Variants in MED27 observed in about 807,000 individuals in gnomAD.
MED27 encodes mediator complex subunit 27, also known as mediator of RNA polymerase II transcription subunit 27.
A neutral mutation model predicts 38.2 loss-of-function variants in MED27; 30 were observed. The observed-to-expected ratio is 0.79, with a 90% CI of 0.59 to 1.07. MED27 has a LOEUF of 1.07. Among genes scored for constraint, MED27 ranks in the 50% least tolerant of loss-of-function variants. The probability of loss-of-function intolerance (pLI) is 0.00; values close to 1 mark genes in which losing one functional copy is unlikely to be tolerated. For missense variants in MED27, 289 were observed against 397.5 expected (o/e 0.73, Z 2.32); for synonymous variants, 122 against 153.5 (o/e 0.79, Z 1.52).
chr9:132,038,836 G>T (rs10901122), intron 2 of MED27, among the ~76,000 whole-genome samples: 5 of 151,984 alleles, frequency 3.3e-5, no homozygotes, highest in Non-Finnish European at 7.4e-5. Context: ...GGGTGAGGGC[G>T]GCCATTGTAA....
intron 6 of MED27, among the ~76,000 whole-genome samples, chr9:131,882,789 T>C (rs1337509521): frequency 6.6e-6 from 1 of 152,198 alleles, no homozygotes; most frequent in Non-Finnish European, 1.5e-5. Flanking sequence ...TTGTGTTTCC[T>C]GGCCACAGCC....
intron 6 of MED27, among the ~76,000 whole-genome samples, chr9:131,870,892 CCCTCAAGAAGA>C (rs1838820690): frequency 6.6e-6 from 1 of 152,222 alleles, no homozygotes; most frequent in Non-Finnish European, 1.5e-5. Flanking sequence ...CACCGGTGGG[CCCTCAAGAAGA>C]CCTCCAGATT....
At position 132,058,337 on chromosome 9, in the gene MED27, A is replaced by G. The variant is rs534649885; in HGVS notation, c.348+19105T>C. The stretch of plus-strand genomic sequence containing the variant: ...TTGAATTGTAGTTCCCATAACCCCC[A>G]CATGTCGTGGGAGGGACCCAGTGGG... On this transcript the variant is annotated intron_variant, in intron 2 of 7. Transcript: ENST00000292035. Among the ~76,000 whole-genome samples the G allele has an allele frequency of 2.1e-4, 32 of 152,196 alleles. No individual in the cohort carries two copies. In the South Asian group the frequency reaches 5.6e-3, roughly 27 times the overall value.
At position 131,929,153 on chromosome 9, in the gene MED27, A is replaced by G. The variant is rs189599331; in HGVS notation, c.573+10228T>C. On this transcript the variant is annotated intron_variant, in intron 4 of 7. Coordinates refer to ENST00000292035, the MANE Select transcript of MED27 (RefSeq NM_004269.4). The stretch of plus-strand genomic sequence containing the variant: ...TCTGCTCCCTTGAAGGGATGGACCT[A>G]GTCCTGGCAGGATCCATCACCTGCT... 2.6e-5 allele frequency among the ~76,000 whole-genome samples: 4 copies of G among 152,300 alleles called. No homozygotes were observed. The East Asian group carries it at 7.7e-4, about 29-fold the overall frequency.
At chr9:131,971,497 C>A (rs1831475995) in intron 3 of MED27, among the ~76,000 whole-genome samples, 1 of 152,178 alleles carries the variant, frequency 6.6e-6, no homozygotes, top group African/African-American at 2.4e-5. Flanking sequence ...AGGGGTTTAA[C>A]AATTAGGGGC....
chr9:131,870,799 C>A (rs960137251), intron 6 of MED27, among the ~76,000 whole-genome samples: 1 of 152,202 alleles, frequency 6.6e-6, no homozygotes, highest in African/African-American at 2.4e-5. Flanking sequence ...TACAATGTTC[C>A]TTCCACCTCT....
chr9:131,915,405 G>A (rs902485673), intron 4 of MED27, among the ~76,000 whole-genome samples: 2 of 152,146 alleles, frequency 1.3e-5, no homozygotes, highest in African/African-American at 4.8e-5. Flanking sequence ...GATCAATAAT[G>A]AGTCACCTTA....
chr9:132,056,095 A>G (rs765236448), intron 2 of MED27, among the ~76,000 whole-genome samples: 6 of 152,242 alleles, frequency 3.9e-5, no homozygotes, highest in Non-Finnish European at 7.3e-5. Context: ...TTGCAATTTT[A>G]TCCTCGAATA....
chr9:131,966,148 A>C (rs191871422), intron 3 of MED27, among the ~76,000 whole-genome samples: 6 of 134,562 alleles, frequency 4.5e-5, no homozygotes, highest in Non-Finnish European at 9.4e-5. Flanking sequence ...GGATTGCTTG[A>C]GGCCAGGCAT....
At chr9:131,950,892 AAC>A (rs1391280485) in intron 3 of MED27, among the ~76,000 whole-genome samples, 2 of 152,222 alleles carry the variant, frequency 1.3e-5, no homozygotes, top group Non-Finnish European at 2.9e-5. Flanking sequence ...TCCCAGAGTA[AAC>A]ACAACTTTGT....
intron 2 of MED27, among the ~76,000 whole-genome samples, chr9:132,029,264 A>G (rs184770333): frequency 6.6e-6 from 1 of 152,250 alleles, no homozygotes; most frequent in Non-Finnish European, 1.5e-5. Context: ...CAAATACAGA[A>G]CATGCATTGC....
chr9:132,072,485 C>T (rs1466544348), intron 2 of MED27, among the ~76,000 whole-genome samples: 1 of 152,052 alleles, frequency 6.6e-6, no homozygotes, highest in African/African-American at 2.4e-5. Context: ...ATCTTGCTGT[C>T]CAGGAGACTG....
chr9:131,934,248 T>C (rs1361007514), intron 4 of MED27, among the ~76,000 whole-genome samples: 1 of 152,130 alleles, frequency 6.6e-6, no homozygotes, highest in Non-Finnish European at 1.5e-5. Context: ...CCCATAAACA[T>C]AGGCAACCAA....
intron 2 of MED27, among the ~76,000 whole-genome samples, chr9:132,068,356 A>G (rs1002507536): frequency 6.6e-6 from 1 of 152,156 alleles, no homozygotes; most frequent in Non-Finnish European, 1.5e-5. Context: ...CCAGCGAGGG[A>G]GCTGGAATTC....
At chr9:131,902,231 C>T (rs1053804682) in intron 4 of MED27, among the ~76,000 whole-genome samples, 10 of 152,112 alleles carry the variant, frequency 6.6e-5, no homozygotes, top group African/African-American at 2.2e-4. Flanking sequence ...AAAAAGTTAG[C>T]ACTCTGAATT....
intron 3 of MED27, among the ~76,000 whole-genome samples, chr9:131,944,708 T>C (rs1799057096): frequency 6.6e-6 from 1 of 152,058 alleles, no homozygotes; most frequent in African/African-American, 2.4e-5. Context: ...ATTTTTGTAT[T>C]TTTAGTAGAG....
intron 2 of MED27, among the ~76,000 whole-genome samples, chr9:132,034,697 A>C (rs926038939): frequency 6.6e-6 from 1 of 152,108 alleles, no homozygotes; most frequent in Non-Finnish European, 1.5e-5. Flanking sequence ...CTTCCCTGGC[A>C]CCCAGGGGGT....
At chr9:132,039,774 A>G (rs1459978045) in intron 2 of MED27, among the ~76,000 whole-genome samples, 1 of 152,166 alleles carries the variant, frequency 6.6e-6, no homozygotes, top group African/African-American at 2.4e-5. Flanking sequence ...TGCTCCGTTC[A>G]GTGCTGGCCC....
At chr9:131,874,305 A>AC (rs1396415184) in intron 6 of MED27, among the ~76,000 whole-genome samples, 1 of 151,774 alleles carries the variant, frequency 6.6e-6, no homozygotes, top group Non-Finnish European at 1.5e-5. Context: ...TCCTCTGCAC[A>AC]CCCCCGCCGG....
Sources: allele counts gnomAD v4.1 joint callset (sites outside exome capture counted in the v4.1 genomes callset), GRCh38; gene constraint gnomAD v4.1.1; transcripts MANE v1.5; gene names NCBI Gene and HGNC (gene_info 2026-07-23, HGNC 2026-07-21).